Variants in ARHGEF9 observed in about 807,000 individuals in gnomAD.
ARHGEF9 encodes Cdc42 guanine nucleotide exchange factor 9.
In ARHGEF9, 2 loss-of-function variants were observed where a neutral mutation model predicts 41.3. The ratio of observed to expected loss-of-function variants is 0.05; its 90% CI spans 0.02 to 0.15. ARHGEF9 has a LOEUF of 0.15. Among genes scored for constraint, ARHGEF9 ranks in the 10% least tolerant of loss-of-function variants. The pLI is 1.00. For synonymous variants in ARHGEF9, 160 were observed against 154.4 expected (o/e 1.04, Z -0.27); for missense variants, 225 against 424.7 (o/e 0.53, Z 4.13).
At chrX:63,670,905 C>T (rs782058824) in intron 6 of ARHGEF9, among the ~76,000 whole-genome samples, 3 of 111,873 alleles carry the variant, frequency 2.7e-5, no homozygotes, top group Admixed American at 9.4e-5. Flanking sequence ...AGAATGTTCA[C>T]GGAATAAGCT....
At chrX:63,699,395 T>C (rs782075561) in intron 3 of ARHGEF9, among the ~76,000 whole-genome samples, 3 of 111,892 alleles carry the variant, frequency 2.7e-5, no homozygotes, top group Non-Finnish European at 5.6e-5. Context: ...TTAATAGTTG[T>C]GTCCACTGCT....
chrX:63,663,262 T>C (rs184583001), intron 7 of ARHGEF9, among the ~76,000 whole-genome samples: 268 of 111,848 alleles, frequency 2.4e-3, no homozygotes, highest in Non-Finnish European at 3.4e-3. Flanking sequence ...TTTTTCTTCA[T>C]TTGAACATAG....
intron 7 of ARHGEF9, among the ~76,000 whole-genome samples, chrX:63,660,767 A>G: frequency 8.9e-6 from 1 of 112,493 alleles, no homozygotes; most frequent in Middle Eastern, 4.6e-3. Context: ...TGTGCCAGGT[A>G]CTACATCTGC....
chrX:63,638,447 G>T (rs1482658319), intron 9 of ARHGEF9: 2 of 422,210 alleles, frequency 4.7e-6, no homozygotes, highest in African/African-American at 5.0e-5. Context: ...GAAATTTGGG[G>T]TATTGCTATA....
intron 8 of ARHGEF9, among the ~76,000 whole-genome samples, chrX:63,646,607 C>G (rs1367137381): frequency 5.4e-5 from 6 of 111,811 alleles, no homozygotes; most frequent in African/African-American, 1.9e-4. Context: ...TTTGGTACCA[C>G]TATCATGCTG....
At chrX:63,732,680 G>A (rs1292396075) in intron 1 of ARHGEF9, among the ~76,000 whole-genome samples, 1 of 110,771 alleles carries the variant, frequency 9.0e-6, no homozygotes, top group Non-Finnish European at 1.9e-5. Context: ...AACAAGGCAG[G>A]GGCTTTCCAC....
chrX:63,746,707 T>G (rs1556434316), intron 1 of ARHGEF9, among the ~76,000 whole-genome samples: 1 of 112,618 alleles, frequency 8.9e-6, no homozygotes, highest in African/African-American at 3.2e-5. Context: ...AGTGAATGGC[T>G]ACTTAAAATA....
At chrX:63,681,095 G>A (rs2050594932) in intron 4 of ARHGEF9, among the ~76,000 whole-genome samples, 1 of 111,409 alleles carries the variant, frequency 9.0e-6, no homozygotes, top group African/African-American at 3.3e-5. Context: ...TACCACAGGT[G>A]CCTTGGCAAA....
intron 6 of ARHGEF9, among the ~76,000 whole-genome samples, chrX:63,669,323 AAT>A (rs782776261): frequency 2.1e-4 from 23 of 112,024 alleles, no homozygotes; most frequent in Admixed American, 9.5e-5. Context: ...CCTCTGCTGG[AAT>A]ATGTTTGTCC....
chrX:63,679,528 A>C (rs782138488), intron 4 of ARHGEF9, among the ~76,000 whole-genome samples: 1 of 111,933 alleles, frequency 8.9e-6, no homozygotes, highest in South Asian at 3.7e-4. Flanking sequence ...AATAGCACAT[A>C]AAAAGAATAA....
At chrX:63,733,728 A>G (rs1324103414) in intron 1 of ARHGEF9, among the ~76,000 whole-genome samples, 3 of 112,261 alleles carry the variant, frequency 2.7e-5, no homozygotes, top group Non-Finnish European at 5.6e-5. Context: ...TTTTCACTTT[A>G]ATAAAATGAA....
At chrX:63,714,427 G>C (rs1556408856) in intron 2 of ARHGEF9, among the ~76,000 whole-genome samples, 1 of 112,168 alleles carries the variant, frequency 8.9e-6, no homozygotes, top group Admixed American at 9.4e-5. Context: ...GAAATCCAAG[G>C]CCAGACAGGG....
chrX:63,735,935 A>AAGGCCAAG (rs2054594945), intron 1 of ARHGEF9, among the ~76,000 whole-genome samples: 2 of 112,105 alleles, frequency 1.8e-5, no homozygotes, highest in African/African-American at 6.5e-5. Flanking sequence ...AAAGACATCC[A>AAGGCCAAG]GCCAAGGCCA....
intron 1 of ARHGEF9, among the ~76,000 whole-genome samples, chrX:63,758,435 T>C: frequency 8.9e-6 from 1 of 112,848 alleles, no homozygotes; most frequent in East Asian, 2.8e-4. Flanking sequence ...GAAACCTGAC[T>C]TATATAATGC....
intron 2 of ARHGEF9, among the ~76,000 whole-genome samples, chrX:63,721,762 G>C (rs1393722235): frequency 9.1e-6 from 1 of 110,440 alleles, no homozygotes; most frequent in African/African-American, 3.3e-5. Context: ...TAGATATGAG[G>C]ACTGATGTTC....
intron 1 of ARHGEF9, among the ~76,000 whole-genome samples, chrX:63,730,563 G>T (rs1223911897): frequency 1.8e-5 from 2 of 112,005 alleles, no homozygotes; most frequent in African/African-American, 6.5e-5. Flanking sequence ...CTTGAGTATT[G>T]ATTAGGTAGG....
chrX:63,672,717 G>A (rs146172891), intron 6 of ARHGEF9, among the ~76,000 whole-genome samples: 335 of 111,347 alleles, frequency 3.0e-3, no homozygotes, highest in Middle Eastern at 9.2e-3. Context: ...CTGCTGCTGG[G>A]CACCTTCTCT....
chrX:63,716,616 C>T lies in ARHGEF9; in HGVS notation c.210+7916G>A, dbSNP rs113931671. On this transcript the variant is annotated intron_variant, in intron 2 of 9. Transcript: ENST00000671741. ...AAGAAACCATTTTCACTGCATACTC[C>T]CTGCCTCTGGATACCTGGTCACCAT... Among the ~76,000 whole-genome samples the T allele has an allele frequency of 2.7e-3, 300 of 111,749 alleles. 1 individual carries two copies. Among genetic ancestry groups the T allele is most frequent in the African/African-American group, 9.1e-3 (280 of 30,725 alleles).
At chrX:63,638,646 G>A (rs1262954189) in intron 9 of ARHGEF9, 27 of 305,062 alleles carry the variant, frequency 8.9e-5, no homozygotes, top group African/African-American at 1.4e-4. Context: ...ACTCTATTTC[G>A]CCTTCTCCAG....
Sources: gnomAD v4.1 joint callset for allele counts (sites outside exome capture counted in the v4.1 genomes callset) on GRCh38, gnomAD v4.1.1 for gene constraint, MANE v1.5 for transcripts, NCBI Gene and HGNC (gene_info 2026-07-23, HGNC 2026-07-21) for gene names.